The following DOCK2 variants were observed in gnomAD, a reference collection of about 807,000 sequenced individuals.
DOCK2 encodes dedicator of cytokinesis 2.
In DOCK2, 87 loss-of-function variants were observed where a neutral mutation model predicts 248.9. The ratio of observed to expected loss-of-function variants is 0.35; its 90% CI spans 0.29 to 0.42. The LOEUF is 0.42. DOCK2 is among the 10% of genes least tolerant of loss of function. DOCK2 has a pLI of 1.00. For synonymous variants in DOCK2, 805 were observed against 821.6 expected (o/e 0.98, Z 0.35); for missense variants, 1,747 against 2,300.2 (o/e 0.76, Z 4.92).
Position 170,069,164 on chromosome 5 carries a change from G to A in DOCK2, c.4672G>A (p.Asp1558Asn). 6.2e-7 allele frequency: 1 copy of A among 1,614,006 alleles called. No individual in the cohort carries two copies. The highest frequency in any genetic ancestry group is 1.1e-5 in the South Asian group (1 of 91,038). Residue 1558 changes from aspartate (D) to asparagine (N), a missense_variant, in exon 46 of 52, where the codon GAC becomes AAC. Physicochemically the swap from Asp to Asn is conservative, Grantham distance 23. Coordinates refer to ENST00000520908, the MANE Select transcript of DOCK2 (RefSeq NM_004946.3). Reference sequence around the variant, plus strand: ...CTTCTTCACTGAAGAGTATGTCAGGGACCACCCTGAGGACCAGGACAAGCT... The same window carrying A: ...CTTCTTCACTGAAGAGTATGTCAGGAACCACCCTGAGGACCAGGACAAGCT... ...KAFFTEEYVR[D>N]HPEDQDKLTH...
intron 27 of DOCK2, among the ~76,000 whole-genome samples, chr5:169,921,834 A>G (rs184361800): frequency 6.6e-6 from 1 of 152,314 alleles, no homozygotes; most frequent in Non-Finnish European, 1.5e-5. Context: ...AAGTTTCTCA[A>G]TTGAATAGTG....
chr5:169,639,043 G>T (rs1240989396), intron 1 of DOCK2, among the ~76,000 whole-genome samples: 1 of 152,170 alleles, frequency 6.6e-6, no homozygotes, highest in Non-Finnish European at 1.5e-5. Flanking sequence ...GTAGATTATG[G>T]CTAGATTGTG....
intron 46 of DOCK2, among the ~76,000 whole-genome samples, chr5:170,071,219 C>T (rs1175048686): frequency 6.6e-6 from 1 of 152,168 alleles, no homozygotes; most frequent in Non-Finnish European, 1.5e-5. Flanking sequence ...TGTTTCATTC[C>T]GTTTGTTCTT....
At chr5:169,993,000 T>G (rs1203107588) in intron 29 of DOCK2, among the ~76,000 whole-genome samples, 6 of 152,188 alleles carry the variant, frequency 3.9e-5, no homozygotes, top group Non-Finnish European at 1.5e-5. Context: ...AAGTTTAAGC[T>G]GACAACCAAA....
At chr5:169,711,675 T>C (rs1156877374) in intron 15 of DOCK2, among the ~76,000 whole-genome samples, 1 of 152,236 alleles carries the variant, frequency 6.6e-6, no homozygotes, top group Non-Finnish European at 1.5e-5. Flanking sequence ...GACTCATTTT[T>C]CCTCACTATA....
At chr5:169,942,116 G>A (rs1776267076) in intron 27 of DOCK2, among the ~76,000 whole-genome samples, 1 of 152,176 alleles carries the variant, frequency 6.6e-6, no homozygotes, top group African/African-American at 2.4e-5. Context: ...CCTTTTCCAA[G>A]GTATCAGGAA....
intron 27 of DOCK2, among the ~76,000 whole-genome samples, chr5:169,962,151 G>C (rs1239045843): frequency 2.0e-5 from 3 of 151,962 alleles, no homozygotes; most frequent in African/African-American, 7.3e-5. Context: ...AATAGGACTG[G>C]GTTTTTAAAA....
chr5:170,077,834 A>G lies in DOCK2; in HGVS notation c.4991A>G (p.Glu1664Gly), dbSNP rs1757889297. The G allele has an allele frequency of 6.2e-7, 1 of 1,612,592 alleles. No individual in the cohort carries two copies. The highest frequency in any genetic ancestry group is 8.5e-7 in the Non-Finnish European group (1 of 1,179,848). ...DCSTPSKPTS[E>G]SFDLELASPK... is the part of the protein sequence containing the mutation. Reference sequence around the variant, plus strand: ...AGCACCCCCAGCAAGCCTACCTCAGAGAGGTCAGTCCCTGCACCCCAAGGA... The same window carrying G: ...AGCACCCCCAGCAAGCCTACCTCAGGGAGGTCAGTCCCTGCACCCCAAGGA... Residue 1664 changes from glutamate to glycine, a missense_variant, in exon 48 of 52, where the codon GAG (glutamate) becomes GGG (glycine). Physicochemically the swap from Glu to Gly is moderately conservative, Grantham distance 98. Around this residue, in one of 4 missense-constraint regions of DOCK2, gnomAD observed 513 missense variants for 586.1 expected, o/e 0.88. Coordinates refer to ENST00000520908, the MANE Select transcript of DOCK2 (RefSeq NM_004946.3).
At chr5:169,703,197 T>C (rs1480962234) in intron 14 of DOCK2, among the ~76,000 whole-genome samples, 2 of 152,098 alleles carry the variant, frequency 1.3e-5, no homozygotes, top group African/African-American at 2.4e-5. Context: ...TAGGCCACTG[T>C]GAGTGATCAA....
At chr5:169,695,764 C>T (rs369802560) in intron 9 of DOCK2, 39 bp from the exon 10 acceptor site, 60 of 1,607,012 alleles carry the variant, frequency 3.7e-5, no homozygotes, top group Non-Finnish European at 4.5e-5. Flanking sequence ...TTCCCCCATT[C>T]AGCACATGAT....
rs1650867 is a variant in DOCK2, at chr5:169,787,025, A to G, written c.2555-16033A>G. Among the ~76,000 whole-genome samples, 1,302 of 152,284 alleles carry G rather than the reference A, an allele frequency of 8.5e-3. 22 individuals carry two copies. The highest frequency in any genetic ancestry group is 0.03 in the African/African-American group (1,234 of 41,552). On this transcript the variant is annotated intron_variant, in intron 25 of 51. Transcript: ENST00000520908. ...CCAGGTATGCTGATCTAAGTGCTTT[A>G]TGTTATCTTGTTTCATTCTCACCAA...
intron 38 of DOCK2, among the ~76,000 whole-genome samples, chr5:170,044,786 A>C (rs925912316): frequency 2.6e-5 from 4 of 152,148 alleles, no homozygotes; most frequent in Admixed American, 2.6e-4. Flanking sequence ...TACACAGCTC[A>C]CACTGCATTT....
At chr5:169,882,992 G>A in intron 27 of DOCK2, 2 of 1,551,690 alleles carry the variant, frequency 1.3e-6, no homozygotes, top group Middle Eastern at 1.7e-4. Flanking sequence ...GGAGATGAAG[G>A]AACACACGTT....
chr5:169,952,742 G>T (rs1192609979), intron 27 of DOCK2, among the ~76,000 whole-genome samples: 1 of 152,176 alleles, frequency 6.6e-6, no homozygotes, highest in East Asian at 1.9e-4. Context: ...GGTAGGGGTT[G>T]TCATTGTTCC....
intron 32 of DOCK2, among the ~76,000 whole-genome samples, chr5:170,009,606 C>A (rs1054282176): frequency 6.6e-6 from 1 of 152,100 alleles, no homozygotes; most frequent in Non-Finnish European, 1.5e-5. Context: ...ATTGCTCTGC[C>A]CTGGGTGTGG....
At position 170,055,400 on chromosome 5, in the gene DOCK2, T is replaced by C. The variant is rs954294760; in HGVS notation, c.4295+14T>C. The C allele has an allele frequency of 5.0e-6, 8 of 1,613,250 alleles. No individual in the cohort carries two copies. In the African/African-American group the frequency reaches 1.1e-4, roughly 22 times the overall value. ...CCAGATTATAAAGTAAGACTCGTTG[T>C]CCACAGGGAAGAAGGATGGGGAAGA... On this transcript the variant is annotated intron_variant, in intron 42 of 51. Coordinates refer to ENST00000520908, the MANE Select transcript of DOCK2 (RefSeq NM_004946.3).
intron 44 of DOCK2, among the ~76,000 whole-genome samples, chr5:170,066,021 A>G (rs1314819062): frequency 1.4e-5 from 2 of 147,236 alleles, no homozygotes; most frequent in Non-Finnish European, 3.0e-5. Context: ...GCGCGAACTC[A>G]GCTCACTGCA....
intron 25 of DOCK2, among the ~76,000 whole-genome samples, chr5:169,791,943 C>T (rs1277636124): frequency 1.3e-5 from 2 of 152,152 alleles, no homozygotes; most frequent in Non-Finnish European, 2.9e-5. Flanking sequence ...GTGACCCTGG[C>T]TGCTGAGAAG....
At position 169,821,485 on chromosome 5, in the gene DOCK2, A is replaced by G. The variant is rs576899527; in HGVS notation, c.2703+18279A>G. Among the ~76,000 whole-genome samples, 3 of 152,278 alleles carry G rather than the reference A, an allele frequency of 2.0e-5. No individual in the cohort carries two copies. The South Asian group carries it at 6.2e-4, about 32-fold the overall frequency. Reference sequence around the variant, plus strand: ...AATATTCAACATTCTTAAAGAAAAGAATTTTCAACCCAGAATTTCATATCC... The same window carrying G: ...AATATTCAACATTCTTAAAGAAAAGGATTTTCAACCCAGAATTTCATATCC... On this transcript the variant is annotated intron_variant, in intron 26 of 51. Coordinates refer to ENST00000520908, the MANE Select transcript of DOCK2 (RefSeq NM_004946.3).
Sources: allele counts gnomAD v4.1 joint callset (sites outside exome capture counted in the v4.1 genomes callset), GRCh38; gene constraint gnomAD v4.1.1; regional missense constraint gnomAD v4.1.1; transcripts MANE v1.5; gene names NCBI Gene and HGNC (gene_info 2026-07-23, HGNC 2026-07-21).